The following UBE2R2 variants were observed in gnomAD, a reference collection of about 807,000 sequenced individuals.
UBE2R2 encodes the protein ubiquitin-conjugating enzyme E2 R2.
UBE2R2 carries 1 observed loss-of-function variant against 27.8 expected under a neutral mutation model. That is an observed-to-expected ratio of 0.04 (90% CI 0.01 to 0.17). The LOEUF is 0.17. UBE2R2 is among the 10% of genes least tolerant of loss of function. The pLI, the probability that UBE2R2 is intolerant of heterozygous loss-of-function variation, is 1.00. For missense variants in UBE2R2, 100 were observed against 291.0 expected (o/e 0.34, Z 4.78); for synonymous variants, 106 against 113.3 (o/e 0.94, Z 0.41).
At chr9:33,865,207 T>C (rs1821333799) in intron 1 of UBE2R2, among the ~76,000 whole-genome samples, 1 of 151,746 alleles carries the variant, frequency 6.6e-6, no homozygotes, top group East Asian at 1.9e-4. Flanking sequence ...TCTATCTATC[T>C]ATCTATTTTT....
chr9:33,916,730 A>C (rs1267383995), intron 4 of UBE2R2, among the ~76,000 whole-genome samples: 1 of 152,260 alleles, frequency 6.6e-6, no homozygotes, highest in South Asian at 2.1e-4. Flanking sequence ...CATGAATCGG[A>C]GGACAGCCAG....
Position 33,817,911 on chromosome 9 carries a change from C to T in UBE2R2, c.154C>T (p.Leu52Phe). Residue 52 changes from leucine (L) to phenylalanine (F), a missense_variant, in exon 1 of 5, where the codon CTC becomes TTC. Coordinates refer to ENST00000263228, the MANE Select transcript of UBE2R2 (RefSeq NM_017811.4). ...EVAIFGPPNT[L>F]YEGGYFKAHI... The stretch of plus-strand genomic sequence containing the variant: ...GGCCATCTTCGGACCCCCCAACACC[C>T]TCTACGAAGGCGGCTACTTCAAGGT... 6.2e-7 allele frequency: 1 copy of T among 1,609,990 alleles called. No homozygotes were observed. The highest frequency in any genetic ancestry group is 8.5e-7 in the Non-Finnish European group (1 of 1,177,808).
chr9:33,911,188 C>G (rs1042046668), intron 3 of UBE2R2, among the ~76,000 whole-genome samples: 1 of 151,786 alleles, frequency 6.6e-6, no homozygotes, highest in Non-Finnish European at 1.5e-5. Flanking sequence ...GAGGGCGGAT[C>G]ACCTGAGGTC....
intron 1 of UBE2R2, 114 bp from the exon 2 acceptor site, chr9:33,886,767 A>C: frequency 2.4e-6 from 2 of 827,150 alleles, no homozygotes; most frequent in Non-Finnish European, 3.5e-6. Flanking sequence ...TTTAATCTCA[A>C]GAGTTTACTC....
rs1435783363 is a variant in UBE2R2, at chr9:33,877,819, G to GTCTCTCTCTCTCTCTCTC, written c.178-9059_178-9058insCTCTCTCTCTCTCTCTCT. Among the ~76,000 whole-genome samples, 592 of 92,894 alleles carry GTCTCTCTCTCTCTCTCTC rather than the reference G, an allele frequency of 6.4e-3. 1 individual carries two copies. The highest frequency in any genetic ancestry group is 0.025 in the South Asian group (63 of 2,546). 60.9% of individuals were successfully genotyped at this position (92,894 alleles called of 152,430 possible). ...CCCCTCTCTGTCTGTCTGTCTGTCT[G>GTCTCTCTCTCTCTCTCTC]TCTGTCTCTCTCTCTCTCTCTCTCT... On this transcript the variant is annotated intron_variant, in intron 1 of 4. Coordinates refer to ENST00000263228, the MANE Select transcript of UBE2R2 (RefSeq NM_017811.4).
chr9:33,903,324 C>T (rs907403108), intron 3 of UBE2R2, among the ~76,000 whole-genome samples: 2 of 152,106 alleles, frequency 1.3e-5, no homozygotes, highest in African/African-American at 2.4e-5. Context: ...ATTTTCAGGA[C>T]GAGTAATAAC....
At chr9:33,863,201 AAAAG>A (rs1379944081) in intron 1 of UBE2R2, among the ~76,000 whole-genome samples, 5 of 151,294 alleles carry the variant, frequency 3.3e-5, no homozygotes, top group Admixed American at 6.6e-5. Context: ...AAAAAAAAAA[AAAAG>A]AAGAAGAAAA....
chr9:33,906,113 CTGTTGT>C (rs3060468), intron 3 of UBE2R2, among the ~76,000 whole-genome samples: 11 of 151,158 alleles, frequency 7.3e-5, no homozygotes, highest in Non-Finnish European at 1.0e-4. Flanking sequence ...GTCGTTGTTG[CTGTTGT>C]TGTTGTTGTT....
rs1217341706 is a variant in UBE2R2 at position 33,817,890 on chromosome 9, A to G, written c.133A>G (p.Ile45Val). The G allele has an allele frequency of 6.2e-7, 1 of 1,611,814 alleles. No homozygotes were observed. The highest frequency in any genetic ancestry group is 8.5e-7 in the Non-Finnish European group (1 of 1,178,774). ...CGACCTCTACAACTGGGAGGTGGCCATCTTCGGACCCCCCAACACCCTCTA... is the reference window on the plus strand; with the variant it reads ...CGACCTCTACAACTGGGAGGTGGCCGTCTTCGGACCCCCCAACACCCTCTA... ...ESDLYNWEVAIFGPPNTLYEG... is the reference protein window; with the variant it reads ...ESDLYNWEVAVFGPPNTLYEG... The change falls in exon 1 of 5, where the codon ATC becomes GTC. Residue 45 changes from isoleucine (I) to valine (V), a missense_variant. Transcript: ENST00000263228.
intron 2 of UBE2R2, among the ~76,000 whole-genome samples, chr9:33,890,409 A>C (rs1192480354): frequency 6.6e-6 from 1 of 152,176 alleles, no homozygotes; most frequent in Non-Finnish European, 1.5e-5. Context: ...TTTACTAAAA[A>C]TACAAACATC....
chr9:33,834,763 A>G (rs1179963434), intron 1 of UBE2R2, among the ~76,000 whole-genome samples: 3 of 151,774 alleles, frequency 2.0e-5, no homozygotes, highest in South Asian at 2.1e-4. Flanking sequence ...ATACAAAATT[A>G]GCCGGATGTG....
intron 2 of UBE2R2, among the ~76,000 whole-genome samples, chr9:33,897,775 C>CTTTTTTTTTTTTTTTTTTTTT (rs35277355): frequency 7.8e-6 from 1 of 127,978 alleles, no homozygotes; most frequent in Admixed American, 8.2e-5. Context: ...TTTCTTTTTT[C>CTTTTTTTTTTTTTTTTTTTTT]TTTTTTTTTT....
Position 33,918,814 on chromosome 9 carries a change from G to A in UBE2R2, c.*1577G>A, listed in dbSNP as rs540396482. On this transcript the variant is annotated 3_prime_UTR_variant, in exon 5 of 5. Coordinates refer to ENST00000263228, the MANE Select transcript of UBE2R2 (RefSeq NM_017811.4). ...TCAGAAAGAACCAAAGGGCAGATTAGGGACGGGGCAGGAGGGATCCTAGGA... is the reference window on the plus strand; with the variant it reads ...TCAGAAAGAACCAAAGGGCAGATTAAGGACGGGGCAGGAGGGATCCTAGGA... 1 of 152,758 alleles carries A rather than the reference G, an allele frequency of 6.5e-6. No individual in the cohort carries two copies. Among genetic ancestry groups the A allele is most frequent in the African/African-American group, 2.4e-5 (1 of 41,548 alleles). 9.5% of individuals were successfully genotyped at this position (152,758 alleles called of 1,614,324 possible). A position where few individuals can be genotyped will look rare whatever the true frequency, so the allele number is the denominator to read the frequency against.
At chr9:33,827,640 TA>T (rs138908540) in intron 1 of UBE2R2, among the ~76,000 whole-genome samples, 6,201 of 145,480 alleles carry the variant, frequency 0.043, 274 homozygotes, top group African/African-American at 0.11. Context: ...AAATTCCATC[TA>T]AAAAAAAAAA....
intron 1 of UBE2R2, among the ~76,000 whole-genome samples, chr9:33,833,657 C>T (rs565788564): frequency 6.6e-6 from 1 of 152,288 alleles, no homozygotes; most frequent in Admixed American, 6.5e-5. Context: ...CATATAATTA[C>T]CATTTTAACC....
intron 1 of UBE2R2, among the ~76,000 whole-genome samples, chr9:33,838,809 G>T (rs934784940): frequency 2.0e-5 from 3 of 151,244 alleles, no homozygotes; most frequent in Non-Finnish European, 4.4e-5. Context: ...CTGGCCAGTC[G>T]TGGTGGTTCA....
At chr9:33,875,192 A>C (rs1483997557) in intron 1 of UBE2R2, among the ~76,000 whole-genome samples, 1 of 152,146 alleles carries the variant, frequency 6.6e-6, no homozygotes, top group Non-Finnish European at 1.5e-5. Flanking sequence ...TTTGAGACCT[A>C]ACTGTAATAC....
rs373241528 is a variant in UBE2R2, at chr9:33,817,892, C to A, written c.135C>A (p.Ile45=). 43 of 1,611,880 alleles carry A rather than the reference C, an allele frequency of 2.7e-5. No homozygotes were observed. Among genetic ancestry groups the A allele is most frequent in the Non-Finnish European group, 3.1e-5 (36 of 1,178,854 alleles). Residue 45 remains isoleucine (I), a synonymous_variant, in exon 1 of 5, where the codon ATC becomes ATA. Coordinates refer to ENST00000263228, the MANE Select transcript of UBE2R2 (RefSeq NM_017811.4). ...ESDLYNWEVA[I]FGPPNTLYEG... The stretch of plus-strand genomic sequence containing the variant: ...ACCTCTACAACTGGGAGGTGGCCAT[C>A]TTCGGACCCCCCAACACCCTCTACG...
At chr9:33,907,370 G>A (rs941965246) in intron 3 of UBE2R2, among the ~76,000 whole-genome samples, 4 of 152,078 alleles carry the variant, frequency 2.6e-5, no homozygotes, top group African/African-American at 9.7e-5. Flanking sequence ...CCTCGCTGTG[G>A]CATAAAGAGG....
Sources: allele counts gnomAD v4.1 joint callset (sites outside exome capture counted in the v4.1 genomes callset), GRCh38; gene constraint gnomAD v4.1.1; transcripts MANE v1.5; gene names NCBI Gene and HGNC (gene_info 2026-07-23, HGNC 2026-07-21).